LGALS8: variants seen among roughly 807,000 people sequenced by gnomAD.
The protein encoded by LGALS8 is galectin-8.
LGALS8 carries 30 observed loss-of-function variants against 35.9 expected under a neutral mutation model. The ratio of observed to expected loss-of-function variants is 0.83; its 90% CI spans 0.62 to 1.13. The LOEUF (loss-of-function observed/expected upper bound fraction) is 1.13, where lower values mean the gene tolerates loss of function less well. Among genes scored for constraint, LGALS8 ranks in the 50% most tolerant of loss-of-function variants. The pLI, the probability that LGALS8 is intolerant of heterozygous loss-of-function variation, is 0.00. For missense variants in LGALS8, 366 were observed against 388.7 expected (o/e 0.94, Z 0.49); for synonymous variants, 138 against 136.1 (o/e 1.01, Z -0.10).
rs140296225 is a variant in LGALS8 at position 236,543,662 on chromosome 1, G to C, written c.638+14G>C. 1 of 1,592,592 alleles carries C rather than the reference G, an allele frequency of 6.3e-7. No individual in the cohort carries two copies. Among genetic ancestry groups the C allele is most frequent in the Non-Finnish European group, 8.6e-7 (1 of 1,160,602 alleles). On this transcript the variant is annotated intron_variant, in intron 8 of 9. Transcript: ENST00000366584. Reference sequence around the variant, plus strand: ...AAATGCCAAAAGGTCAGTATCCTTCGGTACCAGTCACAGTGCAGATACTTC... The same window carrying C: ...AAATGCCAAAAGGTCAGTATCCTTCCGTACCAGTCACAGTGCAGATACTTC...
chr1:236,544,167 G>C (rs1314411426), intron 8 of LGALS8, among the ~76,000 whole-genome samples: 1 of 152,106 alleles, frequency 6.6e-6, no homozygotes, highest in African/African-American at 2.4e-5. Flanking sequence ...TGGCCAGGCT[G>C]GTCTGGAACT....
chr1:236,536,857 T>C (rs1292710880), intron 2 of LGALS8, among the ~76,000 whole-genome samples: 3 of 152,066 alleles, frequency 2.0e-5, no homozygotes, highest in African/African-American at 7.2e-5. Context: ...ACAAGTCTTT[T>C]TTTTTTTTTC....
rs778948122 is a variant in LGALS8 at position 236,539,078 on chromosome 1, GAC to G, written c.336_337del (p.Asp112GlufsTer40). ...TGAGATCGTGATTATGGTGCTGAAGGACAAATTCCAGGTAGGTTTTGGAGAGG... is the reference window on the plus strand; with the variant it reads ...TGAGATCGTGATTATGGTGCTGAAGGAAATTCCAGGTAGGTTTTGGAGAGG... ...SFEIVIMVLK[D>X]KFQVAVNGKH... On this transcript the variant is annotated frameshift_variant, in exon 4 of 10. Coordinates refer to ENST00000366584, the MANE Select transcript of LGALS8 (RefSeq NM_201544.4). LOFTEE classifies it high-confidence loss of function. 3.9e-5 allele frequency: 63 copies of G among 1,613,484 alleles called. No homozygotes were observed. The African/African-American group carries it at 7.1e-4, about 18-fold the overall frequency.
chr1:236,543,041 G>GT, intron 7 of LGALS8: 1 of 1,613,998 alleles, frequency 6.2e-7, no homozygotes, highest in Non-Finnish European at 8.5e-7. Context: ...TGTGTCAAAG[G>GT]TTTGAAGAGC....
intron 2 of LGALS8, among the ~76,000 whole-genome samples, chr1:236,532,385 A>G (rs867558705): frequency 5.9e-5 from 9 of 151,960 alleles, no homozygotes; most frequent in Admixed American, 5.2e-4. Flanking sequence ...ATCTACTTTG[A>G]TATCTTTACA....
intron 9 of LGALS8, among the ~76,000 whole-genome samples, chr1:236,547,083 G>A (rs991187135): frequency 1.3e-5 from 2 of 152,156 alleles, no homozygotes; most frequent in Non-Finnish European, 2.9e-5. Context: ...CTGGCCTCTC[G>A]GGGTGGGGCC....
At chr1:236,536,232 A>G (rs1661492586) in intron 2 of LGALS8, 1 of 152,178 alleles carries the variant, frequency 6.6e-6, no homozygotes, top group South Asian at 2.1e-4. Context: ...TACCTTGGGT[A>G]GGTTTTACCA....
At chr1:236,531,636 T>TTTTATTAC (rs1288200321) in intron 2 of LGALS8, among the ~76,000 whole-genome samples, 1 of 151,878 alleles carries the variant, frequency 6.6e-6, no homozygotes, top group Non-Finnish European at 1.5e-5. Context: ...CATTTTATTA[T>TTTTATTAC]CTTTATTTGC....
At chr1:236,522,819 C>T (rs1471903196), upstream of LGALS8, among the ~76,000 whole-genome samples, 1 of 152,100 alleles carries the variant, frequency 6.6e-6, no homozygotes. Flanking sequence ...TTGAGAAGTG[C>T]ATCAGGCTTG....
intron 6 of LGALS8, 110 bp from the exon 7 acceptor site, chr1:236,542,651 G>A (rs1353729952): frequency 1.8e-6 from 2 of 1,139,762 alleles, no homozygotes; most frequent in Admixed American, 3.4e-5. Flanking sequence ...GAGTGGAGCA[G>A]GAACATCCCA....
chr1:236,530,022 T>G (rs1414868449), intron 2 of LGALS8, among the ~76,000 whole-genome samples: 1 of 152,368 alleles, frequency 6.6e-6, no homozygotes, highest in Non-Finnish European at 1.5e-5. Context: ...ATACCAGGAA[T>G]GCTGCCAGTG....
intron 3 of LGALS8, 147 bp from the exon 4 acceptor site, chr1:236,538,732 G>C (rs1198942649): frequency 3.2e-6 from 2 of 633,376 alleles, no homozygotes; most frequent in Non-Finnish European, 5.7e-6. Flanking sequence ...AGATTAGACA[G>C]TCAGCTCTTT....
At chr1:236,539,325 T>G in intron 4 of LGALS8, 1 of 503,076 alleles carries the variant, frequency 2.0e-6, no homozygotes, top group East Asian at 3.4e-5. Flanking sequence ...CCAGATCTTT[T>G]TATTAGATCC....
chr1:236,542,581 A>G, intron 6 of LGALS8, 180 bp from the exon 7 acceptor site: 1 of 647,524 alleles, frequency 1.5e-6, no homozygotes, highest in South Asian at 1.8e-5. Flanking sequence ...CAACCCGTGT[A>G]GCCCTTCACA....
intron 7 of LGALS8, 81 bp downstream of exon 7, chr1:236,542,868 G>A (rs1432403958): frequency 6.2e-7 from 1 of 1,614,088 alleles, no homozygotes; most frequent in East Asian, 2.2e-5. Context: ...ACCGTGGAGG[G>A]CAGCTTCATT....
At chr1:236,531,327 T>C (rs555373547) in intron 2 of LGALS8, among the ~76,000 whole-genome samples, 1 of 152,250 alleles carries the variant, frequency 6.6e-6, no homozygotes, top group African/African-American at 2.4e-5. Flanking sequence ...TTTATTTATT[T>C]ATTCATTTAT....
chr1:236,528,693 C>T (rs1660969938), intron 2 of LGALS8, among the ~76,000 whole-genome samples: 1 of 151,588 alleles, frequency 6.6e-6, no homozygotes, highest in South Asian at 2.1e-4. Flanking sequence ...ACCACCATGC[C>T]TGGCTAATTT....
At chr1:236,538,280 A>G (rs1459584729) in intron 3 of LGALS8, among the ~76,000 whole-genome samples, 1 of 152,068 alleles carries the variant, frequency 6.6e-6, no homozygotes, top group Non-Finnish European at 1.5e-5. Flanking sequence ...CTGTGTACCT[A>G]ACACCTGAAG....
rs151076927 is a variant in LGALS8 at position 236,549,966 on chromosome 1, A to G, written c.*1805A>G. The G allele has an allele frequency of 2.6e-5, 4 of 152,342 alleles. No homozygotes were observed. The highest frequency in any genetic ancestry group is 9.6e-5 in the African/African-American group (4 of 41,576). The allele number at this position is 152,342 out of a possible 1,614,324, so 9.4% of individuals were successfully genotyped here. On this transcript the variant is annotated 3_prime_UTR_variant, in exon 10 of 10. Coordinates refer to ENST00000366584, the MANE Select transcript of LGALS8 (RefSeq NM_201544.4). ...CCACATTTCTGCATTAAACTTCTAT[A>G]TTAGCTTCAAAGGCTTTTAAACTCA...
Sources: gnomAD v4.1 joint callset for allele counts (sites outside exome capture counted in the v4.1 genomes callset) on GRCh38, gnomAD v4.1.1 for gene constraint, MANE v1.5 for transcripts, NCBI Gene and HGNC (gene_info 2026-07-23, HGNC 2026-07-21) for gene names.